The following PIGN variants were observed in gnomAD, a reference collection of about 807,000 sequenced individuals.
PIGN encodes phosphatidylinositol glycan anchor biosynthesis class N, also known as GPI ethanolamine phosphate transferase 1.
PIGN carries 117 observed loss-of-function variants against 125.4 expected under a neutral mutation model. The observed-to-expected ratio is 0.93, with a 90% CI of 0.80 to 1.09. The LOEUF (loss-of-function observed/expected upper bound fraction) is 1.09, where lower values mean the gene tolerates loss of function less well. PIGN is among the 50% of genes least tolerant of loss of function. The pLI is 0.00. For synonymous variants in PIGN, 392 were observed against 377.8 expected (o/e 1.04, Z -0.44); for missense variants, 1,075 against 1,094.9 (o/e 0.98, Z 0.26).
At chr18:62,085,075 T>C (rs1162221842) in intron 26 of PIGN, 134 bp downstream of exon 26, 1 of 607,036 alleles carries the variant, frequency 1.6e-6, no homozygotes, top group Non-Finnish European at 2.9e-6. Context: ...ACCACTGCCC[T>C]CCAGTCTAGG....
intron 28 of PIGN, among the ~76,000 whole-genome samples, chr18:62,080,704 C>A (rs948528643): frequency 6.6e-6 from 1 of 152,144 alleles, no homozygotes; most frequent in African/African-American, 2.4e-5. Flanking sequence ...TAAGAATCTA[C>A]CATTCTTAGG....
At chr18:62,118,155 A>G (rs1470652532) in intron 14 of PIGN, among the ~76,000 whole-genome samples, 1 of 152,186 alleles carries the variant, frequency 6.6e-6, no homozygotes, top group Non-Finnish European at 1.5e-5. Context: ...AGATAGATAC[A>G]TAATAAACTG....
chr18:62,088,792 C>T lies in PIGN; in HGVS notation c.2334G>A (p.Gln778=), dbSNP rs865883047. 2 of 1,564,674 alleles carry T rather than the reference C, an allele frequency of 1.3e-6. No individual in the cohort carries two copies. Among genetic ancestry groups the T allele is most frequent in the Admixed American group, 1.9e-5 (1 of 53,328 alleles). The part of the protein sequence containing the change: ...SYNTDITQFR[Q]LYLDDIRRAF... ...CCCTACGGATGTCATCCAGATATAGCTGTCGAAACTGAGTTATATCAGTAT... is the reference window on the plus strand; with the variant it reads ...CCCTACGGATGTCATCCAGATATAGTTGTCGAAACTGAGTTATATCAGTAT... Residue 778 remains glutamine (Q), a synonymous_variant, in exon 25 of 31, where the codon CAG becomes CAA. Coordinates refer to ENST00000640252, the MANE Select transcript of PIGN (RefSeq NM_176787.5).
chr18:62,089,561 A>C (rs1435800768), intron 24 of PIGN, among the ~76,000 whole-genome samples: 1 of 152,148 alleles, frequency 6.6e-6, no homozygotes, highest in African/African-American at 2.4e-5. Context: ...CAGCCTGACA[A>C]AATATTTAAC....
intron 14 of PIGN, chr18:62,137,075 C>T: frequency 2.5e-6 from 1 of 398,630 alleles, no homozygotes; most frequent in African/African-American, 2.1e-5. Flanking sequence ...AGCAGACCCA[C>T]CCTCAAGTGG....
At chr18:62,052,701 C>A (rs1208961057) in intron 30 of PIGN, 2 of 154,504 alleles carry the variant, frequency 1.3e-5, no homozygotes, top group Admixed American at 1.3e-4. Flanking sequence ...AGTCCATTTA[C>A]CTTTAAAGTT....
At chr18:62,028,351 G>A (rs536767662) in intron 23 of PIGN, among the ~76,000 whole-genome samples, 42 of 152,306 alleles carry the variant, frequency 2.8e-4, no homozygotes, top group South Asian at 2.1e-4. Flanking sequence ...CAGCACCTCC[G>A]AAAGAATGAA....
Position 62,044,585 on chromosome 18 carries a change from A to T in PIGN, c.*1271T>A, listed in dbSNP as rs1442469124. On this transcript the variant is annotated 3_prime_UTR_variant, in exon 31 of 31. Transcript: ENST00000640252. ...ATTATGACTATACTTCATCATAAAT[A>T]GAAATTAAGAAAGTACACTTTGCCA... is the stretch of plus-strand genomic sequence containing the variant. The T allele has an allele frequency of 1.3e-5, 2 of 151,024 alleles. No individual in the cohort carries two copies. Among genetic ancestry groups the T allele is most frequent in the Non-Finnish European group, 2.9e-5 (2 of 67,886 alleles). The allele number at this position is 151,024 out of a possible 1,614,324, so 9.4% of individuals were successfully genotyped here. A position where few individuals can be genotyped will look rare whatever the true frequency, so the allele number is the denominator to read the frequency against.
chr18:62,181,229 G>T (rs1422554513), intron 1 of PIGN, among the ~76,000 whole-genome samples: 1 of 152,054 alleles, frequency 6.6e-6, no homozygotes, highest in Non-Finnish European at 1.5e-5. Context: ...CAGATAAATT[G>T]TTTATTCATA....
intron 14 of PIGN, among the ~76,000 whole-genome samples, chr18:62,124,430 G>A (rs142210330): frequency 6.2e-4 from 94 of 152,290 alleles, no homozygotes; most frequent in Non-Finnish European, 9.7e-4. Context: ...GAGAGAGACT[G>A]TCTAGATTCA....
At chr18:62,139,189 T>C (rs532055779) in intron 12 of PIGN, 114 bp from the exon 13 acceptor site, 1 of 529,342 alleles carries the variant, frequency 1.9e-6, no homozygotes, top group Admixed American at 3.4e-5. Context: ...AATAAATAAT[T>C]GAAATAGTTA....
chr18:62,024,418 G>A (rs561008990), intron 23 of PIGN, among the ~76,000 whole-genome samples: 1 of 152,272 alleles, frequency 6.6e-6, no homozygotes, highest in South Asian at 2.1e-4. Flanking sequence ...TCCTCTAGCA[G>A]TAGAAACTCC....
intron 7 of PIGN, chr18:62,153,893 T>C (rs1274334400): frequency 6.6e-6 from 1 of 152,140 alleles, no homozygotes; most frequent in Non-Finnish European, 1.5e-5. Context: ...AATGGATGAA[T>C]TATGAGTTGT....
chr18:62,124,981 C>G (rs1212093514), intron 14 of PIGN, among the ~76,000 whole-genome samples: 5 of 151,700 alleles, frequency 3.3e-5, no homozygotes, highest in Non-Finnish European at 7.4e-5. Flanking sequence ...ATAAAAATCA[C>G]TGCCAGAGCA....
In PIGN at chr18:62,138,249, G is replaced by T; in HGVS notation, c.1166C>A (p.Pro389Gln). The stretch of plus-strand genomic sequence containing the variant: ...AAAAATGTAAGGGACTTACTTAAAT[G>T]GTGTAAACAAAAATGGTAAAGTAAC... ...KEVTLPFLFTPFKLLSDSKQF... is the reference protein window; with the variant it reads ...KEVTLPFLFTQFKLLSDSKQF... Residue 389 changes from proline (P) to glutamine (Q), a missense_variant, in exon 14 of 31, where the codon CCA (proline) becomes CAA (glutamine). Coordinates refer to ENST00000640252, the MANE Select transcript of PIGN (RefSeq NM_176787.5). 6.5e-7 allele frequency: 1 copy of T among 1,546,574 alleles called. No homozygotes were observed. Among genetic ancestry groups the T allele is most frequent in the South Asian group, 1.2e-5 (1 of 81,724 alleles).
intron 10 of PIGN, among the ~76,000 whole-genome samples, chr18:62,145,115 T>C (rs9948921): frequency 0.12 from 18,968 of 152,142 alleles, 1,324 homozygotes; most frequent in South Asian, 0.27. Context: ...GTTTTGTTTA[T>C]AGTTGCTTTA....
intron 11 of PIGN, among the ~76,000 whole-genome samples, chr18:62,141,569 T>C (rs774956132): frequency 5.9e-5 from 9 of 152,208 alleles, no homozygotes; most frequent in Non-Finnish European, 1.3e-4. Flanking sequence ...TAGATTGTCA[T>C]TACCAGGTAC....
intron 23 of PIGN, among the ~76,000 whole-genome samples, chr18:62,029,727 T>C (rs1411363541): frequency 6.6e-6 from 1 of 152,204 alleles, no homozygotes; most frequent in East Asian, 1.9e-4. Flanking sequence ...AACAGAACTC[T>C]TAGCAGGAGA....
At chr18:62,133,706 T>C (rs2035823106) in intron 14 of PIGN, among the ~76,000 whole-genome samples, 1 of 152,208 alleles carries the variant, frequency 6.6e-6, no homozygotes, top group African/African-American at 2.4e-5. Flanking sequence ...TTTATTTCTA[T>C]TATGAATAGT....
Sources: allele counts gnomAD v4.1 joint callset (sites outside exome capture counted in the v4.1 genomes callset), GRCh38; gene constraint gnomAD v4.1.1; transcripts MANE v1.5; gene names NCBI Gene and HGNC (gene_info 2026-07-23, HGNC 2026-07-21).